CEP112: variants seen among roughly 807,000 people sequenced by gnomAD.
CEP112 encodes centrosomal protein 112, also known as centrosomal protein of 112 kDa.
Under a neutral mutation model 153.0 loss-of-function variants are expected in CEP112, and 127 were observed. That is an observed-to-expected ratio of 0.83 (90% CI 0.72 to 0.96). The LOEUF (loss-of-function observed/expected upper bound fraction) is 0.96. CEP112 is among the 40% of genes least tolerant of loss of function. The probability of loss-of-function intolerance (pLI) is 0.00; values close to 1 mark genes in which losing one functional copy is unlikely to be tolerated. For missense variants in CEP112, 1,089 were observed against 1,101.2 expected, an observed-to-expected ratio of 0.99 and a Z score of 0.16; for synonymous variants, 358 against 374.4, an observed-to-expected ratio of 0.96 and a Z score of 0.51.
At chr17:66,073,040 A>G (rs1170474398) in intron 8 of CEP112, among the ~76,000 whole-genome samples, 1 of 152,202 alleles carries the variant, frequency 6.6e-6, no homozygotes, top group Non-Finnish European at 1.5e-5. Context: ...CCTCCAAGGA[A>G]GCCTGACTTC....
intron 4 of CEP112, among the ~76,000 whole-genome samples, chr17:66,164,972 G>A (rs1050303006): frequency 1.3e-5 from 2 of 148,706 alleles, no homozygotes; most frequent in African/African-American, 2.5e-5. Flanking sequence ...TCCTCTGACA[G>A]CAGAAATTGA....
chr17:66,006,480 C>T (rs577885579), intron 16 of CEP112, among the ~76,000 whole-genome samples: 1 of 152,170 alleles, frequency 6.6e-6, no homozygotes, highest in East Asian at 1.9e-4. Context: ...GTAGCGCACG[C>T]CTGTAAGCCC....
intron 19 of CEP112, among the ~76,000 whole-genome samples, chr17:65,907,994 G>A (rs2060145021): frequency 6.6e-6 from 1 of 152,164 alleles, no homozygotes; most frequent in African/African-American, 2.4e-5. Context: ...CCCACAAAAT[G>A]AATATTAAAT....
chr17:65,971,526 T>G (rs959758985), intron 17 of CEP112, among the ~76,000 whole-genome samples: 1 of 152,198 alleles, frequency 6.6e-6, no homozygotes, highest in Non-Finnish European at 1.5e-5. Flanking sequence ...TACATGTGTA[T>G]CACCTAAATG....
At chr17:66,169,801 A>G (rs2072167709) in intron 4 of CEP112, among the ~76,000 whole-genome samples, 1 of 152,222 alleles carries the variant, frequency 6.6e-6, no homozygotes, top group South Asian at 2.1e-4. Context: ...CTAGTCATCT[A>G]TTGCTTTATA....
intron 17 of CEP112, among the ~76,000 whole-genome samples, chr17:66,002,034 A>G (rs1401940517): frequency 1.3e-5 from 2 of 152,248 alleles, no homozygotes; most frequent in Non-Finnish European, 2.9e-5. Flanking sequence ...TAAGGCAACA[A>G]CATTAAACTA....
chr17:65,761,164 A>G (rs1261452103), intron 21 of CEP112, among the ~76,000 whole-genome samples: 1 of 151,908 alleles, frequency 6.6e-6, no homozygotes, highest in African/African-American at 2.4e-5. Flanking sequence ...AAAACCTATC[A>G]AATCTATTGA....
chr17:66,047,483 C>A (rs2066261758), intron 12 of CEP112, among the ~76,000 whole-genome samples: 4 of 152,180 alleles, frequency 2.6e-5, no homozygotes, highest in Admixed American at 2.0e-4. Context: ...CATATACTTT[C>A]AATTAGAGAG....
chr17:65,921,155 T>C (rs1027274368), intron 19 of CEP112, among the ~76,000 whole-genome samples: 1 of 152,126 alleles, frequency 6.6e-6, no homozygotes, highest in Non-Finnish European at 1.5e-5. Flanking sequence ...ATTCAAACCA[T>C]ATTTCCCCAT....
intron 23 of CEP112, among the ~76,000 whole-genome samples, chr17:65,721,711 G>A (rs970040445): frequency 7.2e-5 from 11 of 152,248 alleles, no homozygotes; most frequent in East Asian, 1.9e-4. Flanking sequence ...GCAAGAGATC[G>A]TTATTGATCA....
intron 17 of CEP112, among the ~76,000 whole-genome samples, chr17:66,001,608 T>C (rs2064056108): frequency 6.6e-6 from 1 of 152,192 alleles, no homozygotes; most frequent in East Asian, 1.9e-4. Flanking sequence ...AAACAGATGG[T>C]TTTGGAAGTT....
At chr17:66,039,914 A>G (rs1568418532) in intron 12 of CEP112, among the ~76,000 whole-genome samples, 1 of 152,210 alleles carries the variant, frequency 6.6e-6, no homozygotes, top group Non-Finnish European at 1.5e-5. Flanking sequence ...TGTAAGAGTA[A>G]TATTTTTCAG....
At chr17:65,888,499 C>CTTT (rs36045801) in intron 20 of CEP112, among the ~76,000 whole-genome samples, 2,241 of 149,966 alleles carry the variant, frequency 0.015, 45 homozygotes, top group African/African-American at 0.043. Flanking sequence ...TTAAGATGAT[C>CTTT]TTTTTTTTTT....
intron 24 of CEP112, among the ~76,000 whole-genome samples, chr17:65,649,104 A>T (rs1164253602): frequency 7.5e-6 from 1 of 134,142 alleles, no homozygotes; most frequent in African/African-American, 2.9e-5. Flanking sequence ...ACACACACAC[A>T]CACACACACA....
At chr17:65,946,317 T>C (rs571535083) in intron 18 of CEP112, among the ~76,000 whole-genome samples, 5 of 152,366 alleles carry the variant, frequency 3.3e-5, no homozygotes, top group South Asian at 2.1e-4. Flanking sequence ...CCTTCATTTG[T>C]ATATTTACAA....
intron 6 of CEP112, among the ~76,000 whole-genome samples, chr17:66,121,660 G>A (rs1050389855): frequency 2.6e-5 from 4 of 151,506 alleles, no homozygotes; most frequent in Non-Finnish European, 2.9e-5. Flanking sequence ...TTTTCACTTC[G>A]GTTATACGGT....
At chr17:66,155,693 T>G (rs981050938) in intron 4 of CEP112, among the ~76,000 whole-genome samples, 1 of 152,164 alleles carries the variant, frequency 6.6e-6, no homozygotes, top group African/African-American at 2.4e-5. Flanking sequence ...CGACCTGGGA[T>G]GCTTGAGCTT....
intron 19 of CEP112, 150 bp from the exon 20 acceptor site, chr17:65,902,484 G>C (rs1261596527): frequency 1.9e-6 from 1 of 535,634 alleles, no homozygotes; most frequent in Non-Finnish European, 3.1e-6. Context: ...ACTCTCATTT[G>C]TTGGGGTGGT....
intron 6 of CEP112, among the ~76,000 whole-genome samples, chr17:66,099,346 A>T (rs2068468750): frequency 6.6e-6 from 1 of 152,084 alleles, no homozygotes; most frequent in African/African-American, 2.4e-5. Context: ...TCTACTAAAA[A>T]TACAAAAATT....
Sources: allele counts gnomAD v4.1 joint callset (sites outside exome capture counted in the v4.1 genomes callset), GRCh38; gene constraint gnomAD v4.1.1; transcripts MANE v1.5; gene names NCBI Gene and HGNC (gene_info 2026-07-23, HGNC 2026-07-21).